IFT52: variants seen among roughly 807,000 people sequenced by gnomAD.
The protein encoded by IFT52 is intraflagellar transport 52, also known as intraflagellar transport protein 52 homolog.
In IFT52, 44 loss-of-function variants were observed where a neutral mutation model predicts 54.4. That is an observed-to-expected ratio of 0.81 (90% confidence interval 0.63 to 1.04). IFT52 has a LOEUF of 1.04. Among genes scored for constraint, IFT52 ranks in the 50% least tolerant of loss-of-function variants. IFT52 has a pLI of 0.00. For missense variants in IFT52, 452 were observed against 523.6 expected, an observed-to-expected ratio of 0.86 and a Z score of 1.33; for synonymous variants, 181 against 185.3, an observed-to-expected ratio of 0.98 and a Z score of 0.19.
intron 10 of IFT52, among the ~76,000 whole-genome samples, chr20:43,625,443 G>A (rs1445013902): frequency 6.6e-6 from 1 of 152,124 alleles, no homozygotes; most frequent in Non-Finnish European, 1.5e-5. Flanking sequence ...AGAAGGCAGA[G>A]ATGGCGGTGA....
chr20:43,604,543 T>C (rs1447272844), intron 5 of IFT52, among the ~76,000 whole-genome samples: 1 of 152,140 alleles, frequency 6.6e-6, no homozygotes, highest in Non-Finnish European at 1.5e-5. Flanking sequence ...ACCATTGTAC[T>C]CTGGCCTGGC....
intron 7 of IFT52, 68 bp downstream of exon 7, chr20:43,614,044 C>T: frequency 1.4e-6 from 2 of 1,430,934 alleles, no homozygotes; most frequent in South Asian, 2.4e-5. Flanking sequence ...ACCACCTTAC[C>T]ATTTCCAGAA....
intron 5 of IFT52, 103 bp from the exon 6 acceptor site, chr20:43,604,899 A>T: frequency 8.2e-7 from 1 of 1,217,108 alleles, no homozygotes; most frequent in Non-Finnish European, 1.2e-6. Flanking sequence ...TCCCAGGCTT[A>T]AGCAATCCTC....
intron 10 of IFT52, among the ~76,000 whole-genome samples, chr20:43,626,919 C>T (rs1984763350): frequency 6.6e-6 from 1 of 152,132 alleles, no homozygotes. Flanking sequence ...AATCCCAGCA[C>T]TTTGGGAGGC....
intron 10 of IFT52, among the ~76,000 whole-genome samples, chr20:43,632,224 C>T (rs1443062959): frequency 6.6e-6 from 1 of 151,568 alleles, no homozygotes; most frequent in African/African-American, 2.4e-5. Flanking sequence ...TGCGCCCAGC[C>T]TATTTGTCTT....
At chr20:43,630,885 G>A (rs1251785566) in intron 10 of IFT52, among the ~76,000 whole-genome samples, 2 of 152,256 alleles carry the variant, frequency 1.3e-5, no homozygotes, top group African/African-American at 2.4e-5. Flanking sequence ...ATTAGGGCAG[G>A]TGGTGAGCAG....
chr20:43,603,010 A>G (rs918955613), intron 3 of IFT52, among the ~76,000 whole-genome samples: 1 of 152,198 alleles, frequency 6.6e-6, no homozygotes, highest in African/African-American at 2.4e-5. Context: ...CATATTTTAT[A>G]TAGAGATACA....
chr20:43,624,507 G>T (rs973338921), intron 10 of IFT52, among the ~76,000 whole-genome samples: 4 of 152,184 alleles, frequency 2.6e-5, no homozygotes, highest in African/African-American at 9.6e-5. Context: ...CGGATGTGCA[G>T]GTGGAACTAC....
At chr20:43,598,613 T>TG (rs1250581787) in intron 3 of IFT52, among the ~76,000 whole-genome samples, 1 of 152,142 alleles carries the variant, frequency 6.6e-6, no homozygotes, top group African/African-American at 2.4e-5. Context: ...GAGAATCGCT[T>TG]GAACCTGGGA....
At chr20:43,636,923 G>A (rs1181428874) in intron 11 of IFT52, among the ~76,000 whole-genome samples, 3 of 152,074 alleles carry the variant, frequency 2.0e-5, no homozygotes, top group African/African-American at 7.2e-5. Context: ...CGAGGTGATG[G>A]GAGTTTGGGT....
intron 7 of IFT52, chr20:43,618,324 C>G (rs763344376): frequency 6.6e-6 from 1 of 151,436 alleles, no homozygotes; most frequent in African/African-American, 2.4e-5. Flanking sequence ...GATTCTCCTG[C>G]CCCAGCTTCC....
intron 3 of IFT52, among the ~76,000 whole-genome samples, chr20:43,598,187 A>G (rs539551938): frequency 6.6e-6 from 1 of 152,314 alleles, no homozygotes; most frequent in Non-Finnish European, 1.5e-5. Flanking sequence ...TAAGGCAGAC[A>G]CAAAAAGACA....
chr20:43,619,650 A>T (rs140736777), intron 8 of IFT52, among the ~76,000 whole-genome samples: 106 of 152,212 alleles, frequency 7.0e-4, no homozygotes, highest in African/African-American at 2.3e-3. Context: ...AGGACTACTC[A>T]CTGACTGATG....
intron 1 of IFT52, among the ~76,000 whole-genome samples, chr20:43,592,167 C>T (rs1275015987): frequency 6.6e-6 from 1 of 151,998 alleles, no homozygotes; most frequent in African/African-American, 2.4e-5. Context: ...CCAGCCTGGC[C>T]AACCTGGTGA....
chr20:43,602,226 G>A (rs184355086), intron 3 of IFT52, among the ~76,000 whole-genome samples: 76 of 151,782 alleles, frequency 5.0e-4, no homozygotes, highest in Non-Finnish European at 6.9e-4. Context: ...GTGCATTGGC[G>A]CATTCTCGGC....
At chr20:43,627,286 T>C (rs1332226110) in intron 10 of IFT52, among the ~76,000 whole-genome samples, 2 of 152,132 alleles carry the variant, frequency 1.3e-5, no homozygotes, top group African/African-American at 4.8e-5. Context: ...GCAAAGAAAG[T>C]CTGTCAAGAT....
intron 1 of IFT52, among the ~76,000 whole-genome samples, chr20:43,594,216 G>C (rs987939853): frequency 6.6e-6 from 1 of 152,122 alleles, no homozygotes; most frequent in Non-Finnish European, 1.5e-5. Context: ...GCTGAGGCAG[G>C]AGAATCGCTT....
At position 43,624,001 on chromosome 20, in the gene IFT52, G is replaced by A. The variant is rs745785727; in HGVS notation, c.879G>A (p.Leu293=). ...IPRDFTTLFD[L]SIFQLDTTSF... ...GGGACTTTACCACCCTCTTCGACCT[G>A]TCCATCTTCCAGCTGGATACCACCT... Residue 293 remains leucine (L), a synonymous_variant, in exon 10 of 14, where the codon CTG becomes CTA. Transcript: ENST00000373030. 1.2e-6 allele frequency: 2 copies of A among 1,614,118 alleles called. No individual in the cohort carries two copies. The highest frequency in any genetic ancestry group is 1.7e-6 in the Non-Finnish European group (2 of 1,180,018).
chr20:43,607,782 A>G (rs1983068007), intron 6 of IFT52, among the ~76,000 whole-genome samples: 1 of 151,978 alleles, frequency 6.6e-6, no homozygotes, highest in South Asian at 2.1e-4. Context: ...GCACTTTGGG[A>G]GGCCAAGACA....
Sources: gnomAD v4.1 joint callset for allele counts (sites outside exome capture counted in the v4.1 genomes callset) on GRCh38, gnomAD v4.1.1 for gene constraint, MANE v1.5 for transcripts, NCBI Gene and HGNC (gene_info 2026-07-23, HGNC 2026-07-21) for gene names.